The following PLCB1 variants were observed in gnomAD, a reference collection of about 807,000 sequenced individuals.
PLCB1 encodes the protein 1-phosphatidylinositol 4,5-bisphosphate phosphodiesterase beta-1.
Under a neutral mutation model 161.8 loss-of-function variants are expected in PLCB1, and 46 were observed. The ratio of observed to expected loss-of-function variants is 0.28; its 90% CI spans 0.22 to 0.36. PLCB1 has a LOEUF of 0.36. Ranked by LOEUF, PLCB1 falls within the 10% of genes least tolerant of loss-of-function variation. The probability of loss-of-function intolerance (pLI) is 1.00; values close to 1 mark genes in which losing one functional copy is unlikely to be tolerated. For missense variants in PLCB1, 1,016 were observed against 1,472.5 expected (o/e 0.69, Z 5.07); for synonymous variants, 517 against 503.7 (o/e 1.03, Z -0.35).
chr20:8,787,099 T>C (rs561142193), intron 27 of PLCB1, among the ~76,000 whole-genome samples: 16 of 152,306 alleles, frequency 1.1e-4, no homozygotes, highest in Admixed American at 9.8e-4. Context: ...ACGGGTTCCT[T>C]GTCACATGGC....
chr20:8,667,094 C>T (rs537371503), intron 9 of PLCB1, among the ~76,000 whole-genome samples: 9 of 152,198 alleles, frequency 5.9e-5, no homozygotes, highest in Admixed American at 1.3e-4. Context: ...GAAACAGAAC[C>T]GACGTGAATC....
chr20:8,492,271 T>C (rs1371121187), intron 3 of PLCB1, among the ~76,000 whole-genome samples: 1 of 152,160 alleles, frequency 6.6e-6, no homozygotes, highest in African/African-American at 2.4e-5. Context: ...ATTTAGGCTT[T>C]TGAAAATAGC....
chr20:8,441,208 T>G (rs568103983), intron 3 of PLCB1, among the ~76,000 whole-genome samples: 1 of 152,296 alleles, frequency 6.6e-6, no homozygotes, highest in African/African-American at 2.4e-5. Flanking sequence ...GTAGTAACAT[T>G]GTTTATTCAT....
intron 19 of PLCB1, 66 bp from the exon 20 acceptor site, chr20:8,736,962 C>A: frequency 8.1e-7 from 1 of 1,239,638 alleles, no homozygotes; most frequent in Non-Finnish European, 1.2e-6. Flanking sequence ...TTAAAGTATT[C>A]TCTTATGTCT....
At chr20:8,543,951 C>T (rs1985437607) in intron 3 of PLCB1, among the ~76,000 whole-genome samples, 1 of 152,172 alleles carries the variant, frequency 6.6e-6, no homozygotes, top group Non-Finnish European at 1.5e-5. Flanking sequence ...TTATAAATTA[C>T]TCAGTCTTGG....
chr20:8,324,574 C>A (rs375709872), intron 2 of PLCB1, among the ~76,000 whole-genome samples: 3 of 152,126 alleles, frequency 2.0e-5, no homozygotes, highest in African/African-American at 7.2e-5. Context: ...TTCTCTGATA[C>A]GGGGACTCCA....
intron 2 of PLCB1, among the ~76,000 whole-genome samples, chr20:8,154,059 G>T (rs999263712): frequency 5.3e-5 from 8 of 151,966 alleles, no homozygotes; most frequent in Non-Finnish European, 8.8e-5. Context: ...TTCTTCCTAG[G>T]TCTCTTTTAA....
At chr20:8,714,818 A>G (rs1979212370) in intron 12 of PLCB1, among the ~76,000 whole-genome samples, 1 of 152,066 alleles carries the variant, frequency 6.6e-6, no homozygotes. Flanking sequence ...ATGCCAGAGA[A>G]CTCACTTTCC....
intron 20 of PLCB1, among the ~76,000 whole-genome samples, chr20:8,738,754 A>G (rs570453069): frequency 4.6e-5 from 7 of 152,316 alleles, no homozygotes; most frequent in Non-Finnish European, 1.0e-4. Context: ...ATGAAGCCCT[A>G]TCTCTGGCAA....
At chr20:8,308,759 C>T (rs1265102892) in intron 2 of PLCB1, among the ~76,000 whole-genome samples, 1 of 151,744 alleles carries the variant, frequency 6.6e-6, no homozygotes, top group Non-Finnish European at 1.5e-5. Context: ...AGGTAGCGTC[C>T]ATAGCTTAAT....
intron 4 of PLCB1, among the ~76,000 whole-genome samples, chr20:8,632,825 G>A (rs1487291730): frequency 2.6e-5 from 4 of 152,148 alleles, no homozygotes; most frequent in Non-Finnish European, 5.9e-5. Flanking sequence ...GGGAACTGAG[G>A]AGGCAACTGC....
intron 3 of PLCB1, among the ~76,000 whole-genome samples, chr20:8,503,407 G>A (rs1158199069): frequency 2.0e-5 from 3 of 151,908 alleles, no homozygotes. Context: ...ATTCAATACC[G>A]TCTTCTCTTT....
At chr20:8,699,988 A>G (rs1014652191) in intron 11 of PLCB1, among the ~76,000 whole-genome samples, 4 of 152,226 alleles carry the variant, frequency 2.6e-5, no homozygotes, top group African/African-American at 9.6e-5. Flanking sequence ...ATTCATTTCC[A>G]TAGTCCCACT....
intron 3 of PLCB1, among the ~76,000 whole-genome samples, chr20:8,453,779 T>G (rs1403311975): frequency 6.6e-6 from 1 of 152,176 alleles, no homozygotes; most frequent in Non-Finnish European, 1.5e-5. Context: ...GAAGAGTATT[T>G]CAGGCAGATG....
At chr20:8,161,336 C>G (rs1014189097) in intron 2 of PLCB1, among the ~76,000 whole-genome samples, 3 of 152,000 alleles carry the variant, frequency 2.0e-5, no homozygotes, top group African/African-American at 4.8e-5. Context: ...GTTAACAGAC[C>G]TATGCAATTT....
At chr20:8,208,265 C>T (rs1000771734) in intron 2 of PLCB1, among the ~76,000 whole-genome samples, 1 of 151,998 alleles carries the variant, frequency 6.6e-6, no homozygotes, top group Non-Finnish European at 1.5e-5. Context: ...GAAGGCAAAA[C>T]CATGTAACTG....
At chr20:8,813,783 A>C (rs1361979309) in intron 31 of PLCB1, among the ~76,000 whole-genome samples, 1 of 152,162 alleles carries the variant, frequency 6.6e-6, no homozygotes, top group Non-Finnish European at 1.5e-5. Flanking sequence ...GTGAATTATG[A>C]TCACACCACT....
At chr20:8,749,786 A>G (rs2123543536) in intron 23 of PLCB1, among the ~76,000 whole-genome samples, 1 of 152,324 alleles carries the variant, frequency 6.6e-6, no homozygotes, top group South Asian at 2.1e-4. Flanking sequence ...AGACAGCAGA[A>G]AGCAGCATCT....
chr20:8,778,056 T>A (rs1250300520), intron 27 of PLCB1, among the ~76,000 whole-genome samples: 1 of 152,126 alleles, frequency 6.6e-6, no homozygotes, highest in Non-Finnish European at 1.5e-5. Flanking sequence ...CAAGATGAGA[T>A]TTGGGTGGCA....
Sources: allele counts gnomAD v4.1 joint callset (sites outside exome capture counted in the v4.1 genomes callset), GRCh38; gene constraint gnomAD v4.1.1; transcripts MANE v1.5; gene names NCBI Gene and HGNC (gene_info 2026-07-23, HGNC 2026-07-21).